The following PUM2 variants were observed in gnomAD, a reference collection of about 807,000 sequenced individuals.
PUM2 encodes pumilio RNA binding family member 2.
In PUM2, 57 loss-of-function variants were observed where a neutral mutation model predicts 124.5. The observed-to-expected ratio is 0.46, with a 90% CI of 0.37 to 0.57. The LOEUF (loss-of-function observed/expected upper bound fraction) is 0.57. Among genes scored for constraint, PUM2 ranks in the 20% least tolerant of loss-of-function variants. The pLI is 0.00. For missense variants in PUM2, 1,065 were observed against 1,290.6 expected, an observed-to-expected ratio of 0.83 and a Z score of 2.68; for synonymous variants, 460 against 446.1, an observed-to-expected ratio of 1.03 and a Z score of -0.39.
intron 10 of PUM2, among the ~76,000 whole-genome samples, chr2:20,285,787 T>C (rs1231385482): frequency 6.6e-6 from 1 of 152,168 alleles, no homozygotes; most frequent in Non-Finnish European, 1.5e-5. Context: ...TAAAAAGGTA[T>C]GTTAGACAGT....
rs747424145 is a variant in PUM2, at chr2:20,312,270, T to A, written c.314A>T (p.Asp105Val). Residue 105 changes from aspartate (D) to valine (V), a missense_variant, in exon 4 of 21, where the codon GAT becomes GTT. Coordinates refer to ENST00000361078, the MANE Select transcript of PUM2 (RefSeq NM_015317.5). ...CTTCCTAAATCGAGAATCCAATTTA[T>A]CAGCAGGAGAAGAACTTAATACATA... Reference protein sequence around the residue: ...VEYVLSSSPADKLDSRFRKGN... With the variant: ...VEYVLSSSPAVKLDSRFRKGN... 6.2e-7 allele frequency: 1 copy of A among 1,608,206 alleles called. No homozygotes were observed. Among genetic ancestry groups the A allele is most frequent in the Non-Finnish European group, 8.5e-7 (1 of 1,177,868 alleles).
chr2:20,331,945 C>T (rs1421052155), intron 1 of PUM2: 1 of 152,198 alleles, frequency 6.6e-6, no homozygotes, highest in East Asian at 1.9e-4. Context: ...CACCTATAGA[C>T]AATACCAAAA....
At chr2:20,332,395 G>C (rs1413791444) in intron 1 of PUM2, among the ~76,000 whole-genome samples, 4 of 146,966 alleles carry the variant, frequency 2.7e-5, no homozygotes, top group Admixed American at 6.9e-5. Flanking sequence ...CAGGGTAGTA[G>C]AGTAAAAAGA....
chr2:20,272,475 A>C (rs1223274149), intron 13 of PUM2, among the ~76,000 whole-genome samples: 1 of 152,210 alleles, frequency 6.6e-6, no homozygotes. Flanking sequence ...CTTGGTCATT[A>C]GGTATCTAAA....
At chr2:20,278,854 C>T (rs760067948) in intron 12 of PUM2, 35 bp from the exon 13 acceptor site, 1 of 1,499,998 alleles carries the variant, frequency 6.7e-7, no homozygotes, top group Non-Finnish European at 9.3e-7. Context: ...TAATTACATA[C>T]AGTGTTAACT....
Position 20,333,597 on chromosome 2 carries a change from A to G in PUM2, c.-18-6219T>C, listed in dbSNP as rs185919904. On this transcript the variant is annotated intron_variant, in intron 1 of 20. Coordinates refer to ENST00000361078, the MANE Select transcript of PUM2 (RefSeq NM_015317.5). ...TAAAGAAGCAAGAAAATGCATTAAT[A>G]TAGGACATTTACATTATTAAAAGTA... 1.5e-4 allele frequency among the ~76,000 whole-genome samples: 23 copies of G among 152,322 alleles called. No individual in the cohort carries two copies. The East Asian group carries it at 4.4e-3, about 29-fold the overall frequency.
chr2:20,260,816 A>C (rs1477628602), intron 14 of PUM2, among the ~76,000 whole-genome samples: 1 of 152,198 alleles, frequency 6.6e-6, no homozygotes, highest in African/African-American at 2.4e-5. Flanking sequence ...ATAATAAAGG[A>C]AACCCTTAGA....
chr2:20,326,496 G>A, intron 2 of PUM2: 1 of 963,644 alleles, frequency 1.0e-6, no homozygotes, highest in Non-Finnish European at 1.4e-6. Flanking sequence ...TCTGTTCACT[G>A]TTATCTTCTA....
At chr2:20,347,375 A>G (rs536599445) in intron 1 of PUM2, among the ~76,000 whole-genome samples, 174 of 152,298 alleles carry the variant, frequency 1.1e-3, no homozygotes, top group African/African-American at 3.8e-3. Flanking sequence ...TTGAAGAAAA[A>G]GTCACTAAGG....
At chr2:20,254,441 G>A (rs2148409816) in intron 19 of PUM2, among the ~76,000 whole-genome samples, 1 of 152,208 alleles carries the variant, frequency 6.6e-6, no homozygotes, top group Admixed American at 6.5e-5. Context: ...TTACACGTGT[G>A]AGACACTGTA....
rs145597664 is a variant in PUM2 at position 20,323,214 on chromosome 2, C to T, written c.51+4096G>A. On this transcript the variant is annotated intron_variant, in intron 2 of 20. Coordinates refer to ENST00000361078, the MANE Select transcript of PUM2 (RefSeq NM_015317.5). The stretch of plus-strand genomic sequence containing the variant: ...CTGTAATCCTAGCACTTTGGGAGGC[C>T]GAAGTGGGCGGACCACGAGGTCAGG... 2.6e-5 allele frequency among the ~76,000 whole-genome samples: 4 copies of T among 152,150 alleles called. No individual in the cohort carries two copies. The East Asian group carries it at 5.8e-4, about 22-fold the overall frequency.
intron 1 of PUM2, among the ~76,000 whole-genome samples, chr2:20,348,972 G>C (rs1028849573): frequency 6.6e-6 from 1 of 152,218 alleles, no homozygotes; most frequent in Non-Finnish European, 1.5e-5. Flanking sequence ...GAATGCTTGA[G>C]AGAAACAAAA....
chr2:20,286,190 G>A (rs12996748), intron 10 of PUM2, among the ~76,000 whole-genome samples: 3,492 of 152,284 alleles, frequency 0.023, 57 homozygotes, highest in Non-Finnish European at 0.037. Flanking sequence ...GTAGAGAGAG[G>A]ACTCCATAGG....
At chr2:20,328,708 A>C (rs979693093) in intron 1 of PUM2, among the ~76,000 whole-genome samples, 1 of 152,236 alleles carries the variant, frequency 6.6e-6, no homozygotes, top group African/African-American at 2.4e-5. Context: ...AGCAGATTAT[A>C]AAACAACAAA....
chr2:20,324,090 T>C (rs185142139), intron 2 of PUM2, among the ~76,000 whole-genome samples: 363 of 152,308 alleles, frequency 2.4e-3, no homozygotes, highest in Middle Eastern at 6.8e-3. Context: ...AAACACTATT[T>C]GAAATGGCTG....
chr2:20,309,237 AC>A (rs1679054777), intron 5 of PUM2, among the ~76,000 whole-genome samples: 1 of 152,076 alleles, frequency 6.6e-6, no homozygotes, highest in African/African-American at 2.4e-5. Flanking sequence ...TATTGAGGAG[AC>A]TTAAGAGATG....
At position 20,315,317 on chromosome 2, in the gene PUM2, C is replaced by T. The variant is rs80010873; in HGVS notation, c.161-2894G>A. 2.8e-3 allele frequency among the ~76,000 whole-genome samples: 422 copies of T among 152,236 alleles called. 2 individuals are homozygous for T. The highest frequency in any genetic ancestry group is 9.5e-3 in the African/African-American group (396 of 41,546). ...TGGAGAACATGATGAACCTGATAATCACAAGTAATGTGGTTCTGCTGAGAG... is the reference window on the plus strand; with the variant it reads ...TGGAGAACATGATGAACCTGATAATTACAAGTAATGTGGTTCTGCTGAGAG... On this transcript the variant is annotated intron_variant, in intron 3 of 20. Transcript: ENST00000361078.
intron 14 of PUM2, among the ~76,000 whole-genome samples, chr2:20,260,720 CAATAAGAAAA>C: frequency 6.6e-6 from 1 of 152,178 alleles, no homozygotes; most frequent in South Asian, 2.1e-4. Flanking sequence ...ACATTATAAT[CAATAAGAAAA>C]TTACGTAAAT....
intron 2 of PUM2, among the ~76,000 whole-genome samples, chr2:20,319,129 C>G (rs188969380): frequency 3.3e-5 from 5 of 152,252 alleles, no homozygotes; most frequent in Admixed American, 6.5e-5. Flanking sequence ...TACTATCTGT[C>G]AAACCCATAA....
Sources: gnomAD v4.1 joint callset for allele counts (sites outside exome capture counted in the v4.1 genomes callset) on GRCh38, gnomAD v4.1.1 for gene constraint, MANE v1.5 for transcripts, NCBI Gene and HGNC (gene_info 2026-07-23, HGNC 2026-07-21) for gene names.